The following PPP1R12A variants were observed in gnomAD, a reference collection of about 807,000 sequenced individuals.
The protein encoded by PPP1R12A is protein phosphatase 1 regulatory subunit 12A, also known as myosin binding subunit.
PPP1R12A carries 19 observed loss-of-function variants against 139.6 expected under a neutral mutation model. The ratio of observed to expected loss-of-function variants is 0.14; its 90% CI spans 0.09 to 0.20. PPP1R12A has a LOEUF of 0.20. Ranked by LOEUF, PPP1R12A falls within the 10% of genes least tolerant of loss-of-function variation. The pLI is 1.00. For synonymous variants in PPP1R12A, 427 were observed against 420.6 expected (o/e 1.02, Z -0.19); for missense variants, 925 against 1,211.5 (o/e 0.76, Z 3.51).
intron 1 of PPP1R12A, among the ~76,000 whole-genome samples, chr12:79,899,233 A>ATATATAT (rs1885406375): frequency 2.1e-5 from 3 of 141,932 alleles, no homozygotes; most frequent in African/African-American, 7.7e-5. Flanking sequence ...AGATCTTAAA[A>ATATATAT]ATATATATAT....
At chr12:79,854,760 C>T (rs1354097188) in intron 2 of PPP1R12A, among the ~76,000 whole-genome samples, 1 of 152,058 alleles carries the variant, frequency 6.6e-6, no homozygotes, top group Non-Finnish European at 1.5e-5. Context: ...CAGCCTCAAA[C>T]TCCTGGGCTC....
At chr12:79,910,708 G>C (rs989997870) in intron 1 of PPP1R12A, among the ~76,000 whole-genome samples, 1 of 152,052 alleles carries the variant, frequency 6.6e-6, no homozygotes, top group Non-Finnish European at 1.5e-5. Context: ...AATTTCAAAG[G>C]CTAGTCATAA....
intron 15 of PPP1R12A, 150 bp downstream of exon 15, chr12:79,798,344 C>G: frequency 2.1e-6 from 1 of 470,740 alleles, no homozygotes; most frequent in Non-Finnish European, 3.7e-6. Context: ...CAACCTTTAC[C>G]TTTTAAGGAT....
chr12:79,871,145 A>G (rs943242600), intron 2 of PPP1R12A, among the ~76,000 whole-genome samples: 14 of 152,302 alleles, frequency 9.2e-5, no homozygotes, highest in Non-Finnish European at 1.3e-4. Flanking sequence ...GTCCTTGCTG[A>G]CATCACTGAG....
chr12:79,927,032 GA>G (rs10707326), intron 1 of PPP1R12A, among the ~76,000 whole-genome samples: 119,128 of 149,334 alleles, frequency 0.8, 49,424 homozygotes, highest in Non-Finnish European at 0.92. Context: ...CTCTGTCAAA[GA>G]AAAAAAAAAA....
At chr12:79,882,170 T>A (rs1329378568) in intron 1 of PPP1R12A, among the ~76,000 whole-genome samples, 1 of 152,212 alleles carries the variant, frequency 6.6e-6, no homozygotes, top group Admixed American at 6.5e-5. Context: ...TCTTCGTATT[T>A]AAAAAATACA....
At chr12:79,912,072 C>G (rs573513154) in intron 1 of PPP1R12A, among the ~76,000 whole-genome samples, 1 of 152,238 alleles carries the variant, frequency 6.6e-6, no homozygotes, top group African/African-American at 2.4e-5. Context: ...GCTGAGCATG[C>G]TTTCTCCAAA....
intron 2 of PPP1R12A, among the ~76,000 whole-genome samples, chr12:79,863,931 G>A (rs1038952404): frequency 2.0e-5 from 3 of 152,098 alleles, no homozygotes; most frequent in Admixed American, 2.0e-4. Context: ...ATGGATCAAC[G>A]AGACAGAAAA....
At chr12:79,793,978 C>A in intron 18 of PPP1R12A, 50 bp from the exon 19 acceptor site, 1 of 1,353,466 alleles carries the variant, frequency 7.4e-7, no homozygotes, top group Non-Finnish European at 1.0e-6. Flanking sequence ...GTAATAATTT[C>A]AAAATTTATT....
chr12:79,903,218 C>T (rs1362610101), intron 1 of PPP1R12A, among the ~76,000 whole-genome samples: 6 of 151,970 alleles, frequency 3.9e-5, no homozygotes, highest in Non-Finnish European at 5.9e-5. Context: ...TTTGGGAGGC[C>T]GAGGCGGGTG....
rs144951812 is a variant in PPP1R12A at position 79,915,029 on chromosome 12, A to G, written c.237+19666T>C. ...CAATGGGCTTTTCTTACTTACAACC[A>G]AGACTCCTAACTAATATATGCACAA... On this transcript the variant is annotated intron_variant, in intron 1 of 24. Transcript: ENST00000450142. 2.6e-4 allele frequency among the ~76,000 whole-genome samples: 39 copies of G among 152,196 alleles called. No individual in the cohort carries two copies. The East Asian group carries it at 7.5e-3, about 29-fold the overall frequency.
chr12:79,821,000 A>T, intron 7 of PPP1R12A, 69 bp from the exon 8 acceptor site: 1 of 1,597,198 alleles, frequency 6.3e-7, no homozygotes, highest in Non-Finnish European at 8.6e-7. Context: ...TTCTTCCCAG[A>T]TCCACAATAA....
intron 18 of PPP1R12A, 87 bp downstream of exon 18, chr12:79,795,551 T>C (rs1199463514): frequency 7.0e-6 from 9 of 1,293,604 alleles, no homozygotes; most frequent in African/African-American, 1.5e-5. Flanking sequence ...ATCTAAGGCA[T>C]ATAAGAAATT....
At chr12:79,815,702 G>A (rs756321455) in intron 9 of PPP1R12A, among the ~76,000 whole-genome samples, 78 of 152,110 alleles carry the variant, frequency 5.1e-4, no homozygotes, top group Non-Finnish European at 8.2e-4. Context: ...TTATAGTGAC[G>A]CTAGTTATAG....
intron 1 of PPP1R12A, among the ~76,000 whole-genome samples, chr12:79,923,781 G>A (rs904882107): frequency 6.6e-6 from 1 of 152,150 alleles, no homozygotes; most frequent in Non-Finnish European, 1.5e-5. Flanking sequence ...GGTGGCTCAC[G>A]CCTGTAATCG....
At chr12:79,798,908 A>G (rs1408031502) in intron 14 of PPP1R12A, among the ~76,000 whole-genome samples, 2 of 152,258 alleles carry the variant, frequency 1.3e-5, no homozygotes, top group African/African-American at 2.4e-5. Flanking sequence ...TTTTAGCTCT[A>G]TTGAAAAAAA....
chr12:79,865,205 C>G (rs1358410946), intron 2 of PPP1R12A, among the ~76,000 whole-genome samples: 6 of 152,160 alleles, frequency 3.9e-5, no homozygotes, highest in East Asian at 3.9e-4. Context: ...TAAACAGAAC[C>G]AACAACAAAA....
chr12:79,913,010 G>A (rs572959759), intron 1 of PPP1R12A, among the ~76,000 whole-genome samples: 6 of 152,172 alleles, frequency 3.9e-5, no homozygotes, highest in Non-Finnish European at 8.8e-5. Context: ...TCCCTTCTCA[G>A]CATTTGATAT....
intron 1 of PPP1R12A, among the ~76,000 whole-genome samples, chr12:79,916,051 A>C (rs991324188): frequency 2.0e-5 from 3 of 152,080 alleles, no homozygotes; most frequent in African/African-American, 7.3e-5. Flanking sequence ...TCAAATTGAC[A>C]TCTAGTGTTC....
Sources: allele counts gnomAD v4.1 joint callset (sites outside exome capture counted in the v4.1 genomes callset), GRCh38; gene constraint gnomAD v4.1.1; transcripts MANE v1.5; gene names NCBI Gene and HGNC (gene_info 2026-07-23, HGNC 2026-07-21).